EXOC4: variants seen among roughly 807,000 people sequenced by gnomAD.
The protein encoded by EXOC4 is exocyst complex component 4.
Under a neutral mutation model 107.2 loss-of-function variants are expected in EXOC4, and 71 were observed. The ratio of observed to expected loss-of-function variants is 0.66; its 90% CI spans 0.55 to 0.81. EXOC4 has a LOEUF of 0.81. Ranked by LOEUF, EXOC4 falls within the 30% of genes least tolerant of loss-of-function variation. EXOC4 has a pLI of 0.00. For missense variants in EXOC4, 1,108 were observed against 1,189.6 expected (o/e 0.93, Z 1.01); for synonymous variants, 456 against 441.2 (o/e 1.03, Z -0.42).
Position 133,270,068 on chromosome 7 carries a change from C to T in EXOC4, c.87-4914C>T, listed in dbSNP as rs557678635. On this transcript the variant is annotated intron_variant, in intron 1 of 17. Transcript: ENST00000253861. ...GAATTATGGGGGTGGGTCTCTCCTG[C>T]GCTGCACTGTTCTCGTGATAGTGAA... Among the ~76,000 whole-genome samples the T allele has an allele frequency of 1.2e-4, 19 of 152,228 alleles. No individual in the cohort carries two copies. In the East Asian group the frequency reaches 2.5e-3, roughly 20 times the overall value.
At chr7:134,073,225 AAAAAAAAC>A in the EXOC4 span, among the ~76,000 whole-genome samples, 444 of 35,532 alleles carry the variant, frequency 0.012, 9 homozygotes, top group African/African-American at 0.056. Context: ...AAAAAAAAAA[AAAAAAAAC>A]AACAAAGAAA....
intron 10 of EXOC4, among the ~76,000 whole-genome samples, chr7:133,773,464 T>TTTTTTA (rs1554399478): frequency 1.3e-5 from 2 of 149,226 alleles, no homozygotes; most frequent in Non-Finnish European, 3.0e-5. Flanking sequence ...TTACTAGGTT[T>TTTTTTA]TTATTATTAT....
At chr7:133,581,864 T>C (rs900356353) in intron 9 of EXOC4, among the ~76,000 whole-genome samples, 5 of 151,244 alleles carry the variant, frequency 3.3e-5, no homozygotes, top group African/African-American at 1.2e-4. Flanking sequence ...CTCAGGAAAC[T>C]GAGGCCTCAT....
chr7:133,924,550 G>A (rs945441720), intron 13 of EXOC4, among the ~76,000 whole-genome samples: 3 of 152,102 alleles, frequency 2.0e-5, no homozygotes, highest in African/African-American at 7.2e-5. Context: ...TCACTGAGTT[G>A]TATCACTTTC....
At chr7:133,822,016 C>T (rs1020421285) in intron 11 of EXOC4, among the ~76,000 whole-genome samples, 1 of 152,170 alleles carries the variant, frequency 6.6e-6, no homozygotes, top group African/African-American at 2.4e-5. Context: ...GTTCTTATGC[C>T]TCTAATGCTC....
intron 1 of EXOC4, among the ~76,000 whole-genome samples, chr7:133,255,464 C>T (rs953099437): frequency 3.3e-5 from 5 of 152,166 alleles, no homozygotes; most frequent in Non-Finnish European, 5.9e-5. Flanking sequence ...CATGAACCAC[C>T]GTGCCCAGCC....
chr7:133,517,961 G>A (rs560562846), intron 9 of EXOC4, among the ~76,000 whole-genome samples: 7 of 151,750 alleles, frequency 4.6e-5, no homozygotes, highest in Admixed American at 1.3e-4. Flanking sequence ...TCTGGGACTC[G>A]ACTATGTAGT....
intron 10 of EXOC4, among the ~76,000 whole-genome samples, chr7:133,676,939 GTGTGTGTGTGTGTGTGTA>G (rs998294874): frequency 2.7e-4 from 22 of 80,270 alleles, no homozygotes; most frequent in East Asian, 1.3e-3. Context: ...GTGTGTGTGT[GTGTGTGTGTGTGTGTGTA>G]TGTGTGTGTG....
chr7:133,462,976 C>G (rs1798630645), intron 7 of EXOC4, among the ~76,000 whole-genome samples: 1 of 152,000 alleles, frequency 6.6e-6, no homozygotes, highest in South Asian at 2.1e-4. Flanking sequence ...CATTGAAGGA[C>G]TTGTCAGAGG....
intron 11 of EXOC4, among the ~76,000 whole-genome samples, chr7:133,868,319 G>C (rs776466988): frequency 2.2e-4 from 34 of 152,168 alleles, no homozygotes; most frequent in Non-Finnish European, 4.6e-4. Context: ...AGGTCTGGCT[G>C]TCAATATGCA....
intron 10 of EXOC4, among the ~76,000 whole-genome samples, chr7:133,651,596 G>A (rs1464249187): frequency 6.6e-6 from 1 of 152,132 alleles, no homozygotes; most frequent in African/African-American, 2.4e-5. Context: ...CTTGTTTATT[G>A]CATAGGAAGA....
chr7:134,036,050 A>G (rs1163564779), intron 17 of EXOC4, among the ~76,000 whole-genome samples: 3 of 152,224 alleles, frequency 2.0e-5, no homozygotes, highest in African/African-American at 7.2e-5. Context: ...AGCAATTTGT[A>G]TCTCAGCATG....
intron 9 of EXOC4, among the ~76,000 whole-genome samples, chr7:133,610,311 G>T (rs1021816814): frequency 6.6e-6 from 1 of 152,144 alleles, no homozygotes; most frequent in African/African-American, 2.4e-5. Flanking sequence ...TCTCCTTTAT[G>T]AGACCACAAC....
At chr7:133,534,476 A>G (rs1304532158) in intron 9 of EXOC4, among the ~76,000 whole-genome samples, 1 of 152,280 alleles carries the variant, frequency 6.6e-6, no homozygotes, top group African/African-American at 2.4e-5. Context: ...CTTGCTGATT[A>G]GTAAAGAGGA....
rs1183261566 is a variant in EXOC4 at position 133,261,868 on chromosome 7, C to T, written c.86+8681C>T. ...GTGTGAGTTCAGATCATTATTTCCT[C>T]TAATCCTTTCAGGTTGTTATTTTCC... On this transcript the variant is annotated intron_variant, in intron 1 of 17. Coordinates refer to ENST00000253861, the MANE Select transcript of EXOC4 (RefSeq NM_021807.4). Among the ~76,000 whole-genome samples the T allele has an allele frequency of 1.2e-4, 19 of 152,112 alleles. No homozygotes were observed. The East Asian group carries it at 1.5e-3, about 12-fold the overall frequency.
At chr7:134,068,417 T>G (rs1796215076), downstream of EXOC4, among the ~76,000 whole-genome samples, 1 of 152,176 alleles carries the variant, frequency 6.6e-6, no homozygotes, top group Non-Finnish European at 1.5e-5. Flanking sequence ...TCCCACACAT[T>G]TCTCCTTGCC....
At chr7:133,500,841 A>G (rs1231903879) in intron 9 of EXOC4, among the ~76,000 whole-genome samples, 1 of 152,218 alleles carries the variant, frequency 6.6e-6, no homozygotes, top group African/African-American at 2.4e-5. Context: ...TATATTTAAT[A>G]TAACATCTTA....
At chr7:133,743,657 C>CG (rs1350356026) in intron 10 of EXOC4, among the ~76,000 whole-genome samples, 3 of 151,838 alleles carry the variant, frequency 2.0e-5, no homozygotes, top group Middle Eastern at 3.2e-3. Context: ...TAGTCAAAAC[C>CG]CCCCCATGGT....
chr7:133,816,104 C>T (rs1797362568), intron 10 of EXOC4, among the ~76,000 whole-genome samples: 1 of 152,154 alleles, frequency 6.6e-6, no homozygotes, highest in African/African-American at 2.4e-5. Flanking sequence ...TCATGATGAA[C>T]ACACATCAGT....
Sources: allele counts gnomAD v4.1 joint callset (sites outside exome capture counted in the v4.1 genomes callset), GRCh38; gene constraint gnomAD v4.1.1; transcripts MANE v1.5; gene names NCBI Gene and HGNC (gene_info 2026-07-23, HGNC 2026-07-21).